CERS1: variants seen among roughly 807,000 people sequenced by gnomAD.
CERS1 encodes Embryonic growth/differentiation factor 1.
In CERS1, 16 loss-of-function variants were observed where a neutral mutation model predicts 35.7. The observed-to-expected ratio is 0.45, with a 90% CI of 0.30 to 0.68. CERS1 has a LOEUF of 0.68. Among genes scored for constraint, CERS1 ranks in the 30% least tolerant of loss-of-function variants. CERS1 has a pLI of 0.08. For missense variants in CERS1, 454 were observed against 453.9 expected, an observed-to-expected ratio of 1.00 and a Z score of 0.00; for synonymous variants, 243 against 201.6, an observed-to-expected ratio of 1.21 and a Z score of -1.74.
Position 18,871,579 on chromosome 19 carries a change from T to C in CERS1, c.1011-960A>G, listed in dbSNP as rs75088028. Among the ~76,000 whole-genome samples the C allele has an allele frequency of 8.1e-3, 1,239 of 152,222 alleles. 111 individuals carry two copies. The East Asian group carries it at 0.19, about 23-fold the overall frequency. On this transcript the variant is annotated intron_variant, in intron 6 of 7. Coordinates refer to ENST00000623882, the MANE Select transcript of CERS1 (RefSeq NM_021267.5). ...AGGTCGCTATGTTGTAGAGGTGAGG[T>C]TGCTATGTTGTCCAGGCTGGTCTCA...
At position 18,895,927 on chromosome 19, in the gene CERS1, A is replaced by C; in HGVS notation, c.146T>G (p.Leu49Arg). The C allele has an allele frequency of 8.2e-7, 1 of 1,212,614 alleles. No individual in the cohort carries two copies. Among genetic ancestry groups the C allele is most frequent in the Non-Finnish European group, 1.0e-6 (1 of 973,246 alleles). 75.1% of individuals were successfully genotyped at this position (1,212,614 alleles called of 1,614,324 possible). A position where few individuals can be genotyped will look rare whatever the true frequency, so the allele number is the denominator to read the frequency against. The stretch of plus-strand genomic sequence containing the variant: ...CGGCGCCAGGTGCGCGTGCTCAGCC[A>C]GGCCGCGACGCGCCAGCCCCCAGCC... ...DCGWGLARRG[L>R]AEHAHLAPPE... The change falls in exon 1 of 8, where the codon CTG (leucine) becomes CGG (arginine). Residue 49 changes from leucine (L) to arginine (R), a missense_variant. Physicochemically the swap from Leu to Arg is moderately radical, Grantham distance 102. Coordinates refer to ENST00000623882, the MANE Select transcript of CERS1 (RefSeq NM_021267.5). The surrounding 1 kb of genome is among the most constrained non-coding windows in gnomAD (Gnocchi z 6.4).
At chr19:18,894,483 G>T (rs948596280) in intron 1 of CERS1, among the ~76,000 whole-genome samples, 2 of 152,130 alleles carry the variant, frequency 1.3e-5, no homozygotes, top group Non-Finnish European at 2.9e-5. Flanking sequence ...GGCGAGCCTC[G>T]AAATGGGGCG....
At chr19:18,893,103 C>T (rs1278247393) in intron 2 of CERS1, among the ~76,000 whole-genome samples, 6 of 151,992 alleles carry the variant, frequency 3.9e-5, no homozygotes, top group Admixed American at 6.6e-5. Context: ...TTAGTAGAGA[C>T]GGGGTTTCAC....
Position 18,896,115 on chromosome 19 carries a change from C to G in CERS1, c.-43G>C, listed in dbSNP as rs970183767. 39 of 784,502 alleles carry G rather than the reference C, an allele frequency of 5.0e-5. No homozygotes were observed. In the African/African-American group the frequency reaches 5.7e-4, roughly 11 times the overall value. The allele number at this position is 784,502 out of a possible 1,614,324, so 48.6% of individuals were successfully genotyped here. A position where few individuals can be genotyped will look rare whatever the true frequency, so the allele number is the denominator to read the frequency against. ...CGTGCCCGTCGCCTGCGCCCGCCCGCGGTAGCCGACGGAGCCGCGCGCCCC... is the reference window on the plus strand; with the variant it reads ...CGTGCCCGTCGCCTGCGCCCGCCCGGGGTAGCCGACGGAGCCGCGCGCCCC... On this transcript the variant is annotated 5_prime_UTR_variant, in exon 1 of 8. Transcript: ENST00000623882. This position sits in a 1 kb window ranked among gnomAD's most constrained non-coding sequence, Gnocchi z 5.9.
Position 18,884,279 on chromosome 19 carries a change from C to T in CERS1, c.410-12G>A. ...GCCCGGCGTCCAGTCTGGGGAGAGC[C>T]AAATCTCACAGTCAGGGCCCTGCGA... On this transcript the variant is annotated splice_polypyrimidine_tract_variant and intron_variant, in intron 2 of 7. Transcript: ENST00000623882. The T allele has an allele frequency of 6.2e-7, 1 of 1,605,682 alleles. No individual in the cohort carries two copies. The highest frequency in any genetic ancestry group is 8.5e-7 in the Non-Finnish European group (1 of 1,177,062).
chr19:18,883,712 G>C (rs542318228), intron 3 of CERS1, among the ~76,000 whole-genome samples: 1 of 152,124 alleles, frequency 6.6e-6, no homozygotes, highest in Non-Finnish European at 1.5e-5. Flanking sequence ...TGTCAGCTGC[G>C]TTCACAGCCA....
At position 18,896,108 on chromosome 19, in the gene CERS1, C is replaced by T. The variant is rs2056622144; in HGVS notation, c.-36G>A. Reference sequence around the variant, plus strand: ...CGCCCGCCGTGCCCGTCGCCTGCGCCCGCCCGCGGTAGCCGACGGAGCCGC... The same window carrying T: ...CGCCCGCCGTGCCCGTCGCCTGCGCTCGCCCGCGGTAGCCGACGGAGCCGC... On this transcript the variant is annotated 5_prime_UTR_variant, in exon 1 of 8. Coordinates refer to ENST00000623882, the MANE Select transcript of CERS1 (RefSeq NM_021267.5). This position sits in a 1 kb window ranked among gnomAD's most constrained non-coding sequence, Gnocchi z 5.9. The T allele has an allele frequency of 1.2e-6, 1 of 858,144 alleles. No homozygotes were observed. The highest frequency in any genetic ancestry group is 1.4e-6 in the Non-Finnish European group (1 of 716,678). The allele number at this position is 858,144 out of a possible 1,614,324, so 53.2% of individuals were successfully genotyped here.
intron 2 of CERS1, among the ~76,000 whole-genome samples, chr19:18,886,421 C>T (rs887775318): frequency 2.6e-5 from 4 of 151,904 alleles, no homozygotes; most frequent in East Asian, 3.9e-4. Context: ...TGGTGGTGGG[C>T]GCCTGTGGTC....
rs996586056 is a variant in CERS1, at chr19:18,870,683, C to T, written c.1011-64G>A. On this transcript the variant is annotated intron_variant, in intron 6 of 7. Transcript: ENST00000623882. The surrounding 1 kb of genome is among the most constrained non-coding windows in gnomAD (Gnocchi z 5.1). ...CACGCGGCCGCCTGGCCCTCTTTCC[C>T]GCTTCTTCTCTGGCCGTTTCACACC... 6 of 505,884 alleles carry T rather than the reference C, an allele frequency of 1.2e-5. No homozygotes were observed. In the Admixed American group the frequency reaches 1.6e-4, roughly 13 times the overall value. 31.3% of individuals were successfully genotyped at this position (505,884 alleles called of 1,614,324 possible).
At position 18,878,809 on chromosome 19, in the gene CERS1, T is replaced by C. The variant is rs1468126814; in HGVS notation, c.1010+121A>G. On this transcript the variant is annotated intron_variant, in intron 6 of 7. Transcript: ENST00000623882. The surrounding 1 kb of genome is among the most constrained non-coding windows in gnomAD (Gnocchi z 4.6). ...TTGCAGTCTCTGTTTTGGAGTAGGC[T>C]TGGGGGGCAGCATCCGCGTCGGCCT... 1 of 1,488,132 alleles carries C rather than the reference T, an allele frequency of 6.7e-7. No individual in the cohort carries two copies. The highest frequency in any genetic ancestry group is 8.9e-7 in the Non-Finnish European group (1 of 1,119,214). 92.2% of individuals were successfully genotyped at this position (1,488,132 alleles called of 1,614,324 possible).
At chr19:18,869,420 G>A (rs903852214) in intron 7 of CERS1, 30 bp from the exon 8 acceptor site, 1 of 1,524,294 alleles carries the variant, frequency 6.6e-7, no homozygotes, top group Non-Finnish European at 8.8e-7. Flanking sequence ...AACTCGGCTC[G>A]CGCTGCGTCC....
chr19:18,887,744 CA>C lies in CERS1; in HGVS notation c.410-3478del, dbSNP rs201962831. Among the ~76,000 whole-genome samples the C allele has an allele frequency of 2.4e-3, 251 of 104,004 alleles. 1 individual carries two copies. The highest frequency in any genetic ancestry group is 3.0e-3 in the South Asian group (9 of 3,034). The allele number at this position is 104,004 out of a possible 152,430, so 68.2% of individuals were successfully genotyped here. A position where few individuals can be genotyped will look rare whatever the true frequency, so the allele number is the denominator to read the frequency against. On this transcript the variant is annotated intron_variant, in intron 2 of 7. Coordinates refer to ENST00000623882, the MANE Select transcript of CERS1 (RefSeq NM_021267.5). ...GGGCAGCAAGAGTGAAACTCCATCTCAAAAAAAAAAAAAAAAAATTGTGTTA... is the reference window on the plus strand; with the variant it reads ...GGGCAGCAAGAGTGAAACTCCATCTCAAAAAAAAAAAAAAAAATTGTGTTA...
At chr19:18,890,230 T>C (rs541284249) in intron 2 of CERS1, among the ~76,000 whole-genome samples, 75 of 152,294 alleles carry the variant, frequency 4.9e-4, no homozygotes, top group Non-Finnish European at 7.9e-4. Context: ...CCCCTGTCCC[T>C]GCTAAAAACT....
At chr19:18,872,815 A>C (rs1400182772) in intron 6 of CERS1, among the ~76,000 whole-genome samples, 1 of 146,762 alleles carries the variant, frequency 6.8e-6, no homozygotes, top group Non-Finnish European at 1.5e-5. Context: ...CGCCTGGCTA[A>C]TTTTTATATT....
chr19:18,893,492 G>A lies in CERS1; in HGVS notation c.333C>T (p.Gly111=). The part of the protein sequence containing the change: ...ESAWKFLFYL[G]SWSYSAYLLF... ...GCAGGTAGGCACTGTAGCTCCAGCT[G>A]CCCAGGTAGAAGAGAAACTTCCAAG... Residue 111 remains glycine, a synonymous_variant, in exon 2 of 8, where the codon GGC becomes GGT. Transcript: ENST00000623882. 1 of 1,608,686 alleles carries A rather than the reference G, an allele frequency of 6.2e-7. No individual in the cohort carries two copies. Among genetic ancestry groups the A allele is most frequent in the Non-Finnish European group, 8.5e-7 (1 of 1,177,864 alleles).
chr19:18,882,793 T>C (rs900330813), intron 3 of CERS1, among the ~76,000 whole-genome samples: 3 of 151,862 alleles, frequency 2.0e-5, no homozygotes, highest in Non-Finnish European at 2.9e-5. Context: ...CCCGGGTTCA[T>C]GCCATTCTCC....
chr19:18,884,759 ACTGGAGTGCAGCGGCACGATCT>A (rs1476512063), intron 2 of CERS1, among the ~76,000 whole-genome samples: 1 of 117,798 alleles, frequency 8.5e-6, no homozygotes, highest in Non-Finnish European at 1.7e-5. Flanking sequence ...CTGTCACCAG[ACTGGAGTGCAGCGGCACGATCT>A]CAGCTCACTG....
chr19:18,891,328 TATC>T, intron 2 of CERS1, among the ~76,000 whole-genome samples: 1 of 152,078 alleles, frequency 6.6e-6, no homozygotes, highest in East Asian at 1.9e-4. Flanking sequence ...AGGAAACAGC[TATC>T]ATGTGTGTCC....
Position 18,868,906 on chromosome 19 carries a change from C to T in CERS1, c.*1079G>A, listed in dbSNP as rs1369606098. 3 of 1,380,214 alleles carry T rather than the reference C, an allele frequency of 2.2e-6. No homozygotes were observed. The highest frequency in any genetic ancestry group is 2.6e-5 in the South Asian group (2 of 76,488). 85.5% of individuals were successfully genotyped at this position (1,380,214 alleles called of 1,614,324 possible). On this transcript the variant is annotated 3_prime_UTR_variant, in exon 8 of 8. Transcript: ENST00000623882. ...CCTCGCGGAAGCTCACGTACAGCCG[C>T]CGCGCGCGACAAGCGCCCCCGGGGC...
Sources: allele counts gnomAD v4.1 joint callset (sites outside exome capture counted in the v4.1 genomes callset), GRCh38; gene constraint gnomAD v4.1.1; non-coding constraint Gnocchi (gnomAD v3.1); transcripts MANE v1.5; gene names NCBI Gene and HGNC (gene_info 2026-07-23, HGNC 2026-07-21).